SLC4A3: variants seen among roughly 807,000 people sequenced by gnomAD.
SLC4A3 encodes anion exchange protein 3.
A neutral mutation model predicts 114.2 loss-of-function variants in SLC4A3; 47 were observed. That is an observed-to-expected ratio of 0.41 (90% CI 0.33 to 0.52). The LOEUF (loss-of-function observed/expected upper bound fraction) is 0.52. SLC4A3 is among the 20% of genes least tolerant of loss of function. The pLI is 0.21. For missense variants in SLC4A3, 1,312 were observed against 1,668.3 expected, an observed-to-expected ratio of 0.79 and a Z score of 3.72; for synonymous variants, 693 against 710.3, an observed-to-expected ratio of 0.98 and a Z score of 0.39.
At chr2:219,632,169 G>T (rs893874695) in intron 7 of SLC4A3, 53 bp downstream of exon 7, 3 of 1,606,812 alleles carry the variant, frequency 1.9e-6, no homozygotes, top group Non-Finnish European at 2.6e-6. Flanking sequence ...CTCGGCCCCG[G>T]AGCCCTCCTC....
intron 20 of SLC4A3, among the ~76,000 whole-genome samples, chr2:219,640,164 C>T (rs774440406): frequency 2.8e-4 from 42 of 151,906 alleles, no homozygotes; most frequent in African/African-American, 3.1e-4. Context: ...CTCCTGACCT[C>T]GTGATCCACC....
Position 219,640,225 on chromosome 2 carries a change from G to GCC in SLC4A3, c.3278-195_3278-194dup, listed in dbSNP as rs5838745. On this transcript the variant is annotated intron_variant, in intron 20 of 22. Coordinates refer to ENST00000358055, the MANE Select transcript of SLC4A3 (RefSeq NM_005070.4). ...ATTACAGGCGTGAGCCAATGTGTCT[G>GCC]CCCCCCCCCCCGCCCCTCCTTCTCT... Among the ~76,000 whole-genome samples, 31 of 108,288 alleles carry GCC rather than the reference G, an allele frequency of 2.9e-4. 1 individual carries two copies. The highest frequency in any genetic ancestry group is 5.6e-4 in the Non-Finnish European group (29 of 52,146). 71.0% of individuals were successfully genotyped at this position (108,288 alleles called of 152,430 possible). A position where few individuals can be genotyped will look rare whatever the true frequency, so the allele number is the denominator to read the frequency against.
chr2:219,630,778 TG>T lies in SLC4A3; in HGVS notation c.811+434del, dbSNP rs201366904. ...CCCTTCACTCCCATCCCACTACCCTTGGGGGGGGCCTGGCTGTGATCTCGGC... is the reference window on the plus strand; with the variant it reads ...CCCTTCACTCCCATCCCACTACCCTTGGGGGGGCCTGGCTGTGATCTCGGC... On this transcript the variant is annotated intron_variant, in intron 6 of 22. Transcript: ENST00000358055. The surrounding 1 kb of genome is among the most constrained non-coding windows in gnomAD (Gnocchi z 6.9). 5.3e-5 allele frequency among the ~76,000 whole-genome samples: 8 copies of T among 151,254 alleles called. No individual in the cohort carries two copies. The highest frequency in any genetic ancestry group is 1.0e-4 in the Non-Finnish European group (7 of 67,744).
chr2:219,633,232 A>C (rs941560784), intron 9 of SLC4A3, 42 bp from the exon 10 acceptor site: 4 of 1,522,900 alleles, frequency 2.6e-6, no homozygotes, highest in Non-Finnish European at 3.5e-6. Context: ...TCAGTCTACC[A>C]TGAGCCTCTC....
At position 219,628,551 on chromosome 2, in the gene SLC4A3, C is replaced by T; in HGVS notation, c.198C>T (p.Tyr66=). ...ACCCCGAGAAGCCCAGCCGCAGCTA[C>T]AGCGAGCGGGACTTTGAGTGTGGGT... is the stretch of plus-strand genomic sequence containing the variant. ...AWDPEKPSRS[Y]SERDFEFHRH... Residue 66 remains tyrosine (Y), a synonymous_variant, in exon 3 of 23, where the codon TAC becomes TAT. Coordinates refer to ENST00000358055, the MANE Select transcript of SLC4A3 (RefSeq NM_005070.4). This position sits in a 1 kb window ranked among gnomAD's most constrained non-coding sequence, Gnocchi z 4.8. The T allele has an allele frequency of 6.2e-7, 1 of 1,613,306 alleles. No individual in the cohort carries two copies. Among genetic ancestry groups the T allele is most frequent in the Non-Finnish European group, 8.5e-7 (1 of 1,179,848 alleles).
chr2:219,627,678 C>A lies in SLC4A3; in HGVS notation c.-161C>A. The A allele has an allele frequency of 5.6e-6, 1 of 178,168 alleles. No homozygotes were observed. The highest frequency in any genetic ancestry group is 1.7e-4 in the South Asian group (1 of 5,732). 11.0% of individuals were successfully genotyped at this position (178,168 alleles called of 1,614,324 possible). A position where few individuals can be genotyped will look rare whatever the true frequency, so the allele number is the denominator to read the frequency against. ...GCCGGACGGCAGTCGCGGCTGCGCT[C>A]GGGAGAGAGCGCGGGGGACATGGGG... On this transcript the variant is annotated 5_prime_UTR_variant, in exon 1 of 23. Transcript: ENST00000358055.
At position 219,629,252 on chromosome 2, in the gene SLC4A3, A is replaced by G. The variant is rs145153343; in HGVS notation, c.326A>G (p.Lys109Arg). The G allele has an allele frequency of 5.6e-4, 898 of 1,613,910 alleles. 9 individuals are homozygous for G. The African/African-American group carries it at 0.011, about 19-fold the overall frequency. The change falls in exon 4 of 23, where the codon AAG (lysine) becomes AGG (arginine). Residue 109 changes from lysine to arginine, a missense_variant. By Grantham distance (26) the Lys-to-Arg change is conservative. Around this residue, in one of 4 missense-constraint regions of SLC4A3, gnomAD observed 236 missense variants for 212.1 expected, o/e 1.11. Coordinates refer to ENST00000358055, the MANE Select transcript of SLC4A3 (RefSeq NM_005070.4). Reference sequence around the variant, plus strand: ...ACCTCTGCCCGGCACACCAGGAGAAAGAGGAAGAAGGAGAAAACCTCTGCT... The same window carrying G: ...ACCTCTGCCCGGCACACCAGGAGAAGGAGGAAGAAGGAGAAAACCTCTGCT... ...PPTSARHTRR[K>R]RKKEKTSAPP...
intron 10 of SLC4A3, 72 bp downstream of exon 10, chr2:219,633,529 C>T: frequency 7.5e-7 from 1 of 1,328,860 alleles, no homozygotes; most frequent in Non-Finnish European, 1.0e-6. Flanking sequence ...TCATCGACGA[C>T]TTCACTGAGT....
At chr2:219,633,102 A>G (rs1271221484) in intron 9 of SLC4A3, 93 bp downstream of exon 9, 2 of 1,495,490 alleles carry the variant, frequency 1.3e-6, no homozygotes, top group East Asian at 4.6e-5. Context: ...CTCTGCTTGA[A>G]TGCCACAAGT....
Position 219,631,549 on chromosome 2 carries a change from G to A in SLC4A3, c.812-419G>A. The A allele has an allele frequency of 8.6e-7, 1 of 1,165,328 alleles. No individual in the cohort carries two copies. The highest frequency in any genetic ancestry group is 1.1e-6 in the Non-Finnish European group (1 of 891,360). 72.2% of individuals were successfully genotyped at this position (1,165,328 alleles called of 1,614,324 possible). On this transcript the variant is annotated intron_variant, in intron 6 of 22. Transcript: ENST00000358055. The surrounding 1 kb of genome is among the most constrained non-coding windows in gnomAD (Gnocchi z 6.3). ...AGCGAAGCCCTGCCTGAGTCTACTG[G>A]GCTGTGTACCTTCGGGGAGGGGACG...
rs549782346 is a variant in SLC4A3, at chr2:219,631,217, C to T, written c.812-751C>T. 4.3e-4 allele frequency: 532 copies of T among 1,234,082 alleles called. 3 individuals are homozygous for T. In the Middle Eastern group the frequency reaches 0.012, roughly 29 times the overall value. 76.4% of individuals were successfully genotyped at this position (1,234,082 alleles called of 1,614,324 possible). ...GAGGGGTCTGGTAGGGAGCGGAGGC[C>T]GAGGTCTCGGCCACCGGGAGAATGA... On this transcript the variant is annotated intron_variant, in intron 6 of 22. Transcript: ENST00000358055. The surrounding 1 kb of genome is among the most constrained non-coding windows in gnomAD (Gnocchi z 6.3).
chr2:219,632,507 TC>T, intron 8 of SLC4A3, 65 bp downstream of exon 8: 4 of 1,473,728 alleles, frequency 2.7e-6, no homozygotes, highest in Middle Eastern at 1.9e-4. Context: ...GCTGCTCAGT[TC>T]CCAGGAACAC....
Position 219,639,599 on chromosome 2 carries a change from G to C in SLC4A3, c.3141G>C (p.Thr1047=), listed in dbSNP as rs201512799. Residue 1047 remains threonine (T), a synonymous_variant, in exon 20 of 23, where the codon ACG becomes ACC. Coordinates refer to ENST00000358055, the MANE Select transcript of SLC4A3 (RefSeq NM_005070.4). This position sits in a 1 kb window ranked among gnomAD's most constrained non-coding sequence, Gnocchi z 5.9. The part of the protein sequence containing the change: ...LCGLFGLPWL[T]AATVRSVTHV... The stretch of plus-strand genomic sequence containing the variant: ...GGCTGTTTGGGTTGCCCTGGCTCAC[G>C]GCTGCCACGGTCCGCTCCGTCACCC... 1.2e-6 allele frequency: 2 copies of C among 1,613,978 alleles called. No individual in the cohort carries two copies. Among genetic ancestry groups the C allele is most frequent in the Non-Finnish European group, 1.7e-6 (2 of 1,180,022 alleles).
At position 219,632,040 on chromosome 2, in the gene SLC4A3, G is replaced by A. The variant is rs370698520; in HGVS notation, c.884G>A (p.Arg295Lys). 6 of 1,613,942 alleles carry A rather than the reference G, an allele frequency of 3.7e-6. No homozygotes were observed. The highest frequency in any genetic ancestry group is 5.1e-6 in the Non-Finnish European group (6 of 1,179,952). ...VKKPSRTQGGRGSPSGLAPIL... is the reference protein window; with the variant it reads ...VKKPSRTQGGKGSPSGLAPIL... ...AAGCCCTCCCGGACGCAGGGCGGGA[G>A]GGGCAGTCCCAGCGGCCTGGCCCCC... is the stretch of plus-strand genomic sequence containing the variant. Residue 295 changes from arginine to lysine, a missense_variant, in exon 7 of 23, where the codon AGG becomes AAG. Transcript: ENST00000358055.
In SLC4A3 at chr2:219,633,014, C is replaced by T. The variant is rs369274440; in HGVS notation, c.1277+5C>T. On this transcript the variant is annotated splice_donor_5th_base_variant and intron_variant, in intron 9 of 22. Transcript: ENST00000358055. The stretch of plus-strand genomic sequence containing the variant: ...TACCCTGCTACTGAAGCACAGGTGC[C>T]GGGGTGGGTCCCTGGGAGGGGCCTG... The T allele has an allele frequency of 6.6e-5, 107 of 1,613,754 alleles. No homozygotes were observed. The highest frequency in any genetic ancestry group is 2.5e-4 in the East Asian group (11 of 44,836).
chr2:219,636,802 T>G lies in SLC4A3; in HGVS notation c.2463T>G (p.Pro821=). The G allele has an allele frequency of 6.2e-7, 1 of 1,614,072 alleles. No individual in the cohort carries two copies. Among genetic ancestry groups the G allele is most frequent in the Non-Finnish European group, 8.5e-7 (1 of 1,179,980 alleles). Residue 821 remains proline (P), a synonymous_variant, in exon 16 of 23, where the codon CCT becomes CCG. Coordinates refer to ENST00000358055, the MANE Select transcript of SLC4A3 (RefSeq NM_005070.4). This position sits in a 1 kb window ranked among gnomAD's most constrained non-coding sequence, Gnocchi z 5.5. ...EGSFLVRYIS[P]FTQEIFAFLI... is the part of the protein sequence containing the mutation. ...GCTTCCTGGTCCGCTACATCTCGCC[T>G]TTCACCCAGGAGATCTTTGCCTTTC...
At chr2:219,640,231 C>CA (rs1234762843) in intron 20 of SLC4A3, among the ~76,000 whole-genome samples, 199 bp from the exon 21 acceptor site, 8 of 121,496 alleles carry the variant, frequency 6.6e-5, no homozygotes, top group East Asian at 3.0e-4. Context: ...GTCTGCCCCC[C>CA]CCCCCGCCCC....
chr2:219,629,207 A>T lies in SLC4A3; in HGVS notation c.281A>T (p.Lys94Met), dbSNP rs1698828202. 9.3e-6 allele frequency: 15 copies of T among 1,612,968 alleles called. No homozygotes were observed. Among genetic ancestry groups the T allele is most frequent in the Non-Finnish European group, 1.3e-5 (15 of 1,179,626 alleles). The change falls in exon 4 of 23, where the codon AAG (lysine) becomes ATG (methionine). Residue 94 changes from lysine to methionine, a missense_variant. Physicochemically the swap from Lys to Met is moderately conservative, Grantham distance 95. Transcript: ENST00000358055. Reference protein sequence around the residue: ...PLSARLPPPHKLRRLPPTSAR... With the variant: ...PLSARLPPPHMLRRLPPTSAR... ...TCAGCGCGCCTGCCTCCACCCCACA[A>T]GCTGCGGCGGCTGCCCCCCACCTCT...
intron 21 of SLC4A3, 27 bp downstream of exon 21, chr2:219,640,626 G>C: frequency 1.9e-6 from 3 of 1,608,232 alleles, no homozygotes; most frequent in Non-Finnish European, 2.6e-6. Context: ...TGGGGGTAGG[G>C]CAGTGGGGTG....
Sources: allele counts gnomAD v4.1 joint callset (sites outside exome capture counted in the v4.1 genomes callset), GRCh38; gene constraint gnomAD v4.1.1; regional missense constraint gnomAD v4.1.1; non-coding constraint Gnocchi (gnomAD v3.1); transcripts MANE v1.5; gene names NCBI Gene and HGNC (gene_info 2026-07-23, HGNC 2026-07-21).